TXNDC16: variants seen among roughly 807,000 people sequenced by gnomAD.
TXNDC16 encodes the protein thioredoxin domain containing 16, also known as thioredoxin domain-containing protein 16.
Under a neutral mutation model 85.6 loss-of-function variants are expected in TXNDC16, and 74 were observed. The observed-to-expected ratio is 0.86, with a 90% CI of 0.72 to 1.05. The LOEUF (loss-of-function observed/expected upper bound fraction) is 1.05, where lower values mean the gene tolerates loss of function less well. Among genes scored for constraint, TXNDC16 ranks in the 50% least tolerant of loss-of-function variants. TXNDC16 has a pLI of 0.00. For missense variants in TXNDC16, 959 were observed against 947.0 expected, an observed-to-expected ratio of 1.01 and a Z score of -0.17; for synonymous variants, 335 against 326.5, an observed-to-expected ratio of 1.03 and a Z score of -0.28.
chr14:52,500,940 T>A (rs74050255), intron 9 of TXNDC16, among the ~76,000 whole-genome samples: 14,677 of 152,170 alleles, frequency 0.096, 813 homozygotes, highest in East Asian at 0.18. Context: ...AAGCTTTCCT[T>A]CTATCTACAA....
chr14:52,547,302 C>T (rs1453490812), intron 1 of TXNDC16, among the ~76,000 whole-genome samples: 2 of 152,088 alleles, frequency 1.3e-5, no homozygotes, highest in African/African-American at 2.4e-5. Flanking sequence ...CCAAGGACCA[C>T]GGAGAACTAT....
At chr14:52,460,767 AAT>A (rs1032065374) in intron 16 of TXNDC16, among the ~76,000 whole-genome samples, 38 of 152,320 alleles carry the variant, frequency 2.5e-4, no homozygotes, top group African/African-American at 8.9e-4. Flanking sequence ...ATGTCTATAG[AAT>A]ATGTCTCTTC....
intron 12 of TXNDC16, among the ~76,000 whole-genome samples, chr14:52,486,475 G>A (rs1206777796): frequency 6.6e-6 from 1 of 151,890 alleles, no homozygotes; most frequent in Non-Finnish European, 1.5e-5. Context: ...TAGTGATGGG[G>A]TTTTGTCATG....
At chr14:52,441,924 T>C (rs2035175163) in intron 18 of TXNDC16, among the ~76,000 whole-genome samples, 1 of 152,138 alleles carries the variant, frequency 6.6e-6, no homozygotes, top group Admixed American at 6.5e-5. Flanking sequence ...CTTTCACACC[T>C]TTCTGTAATG....
At chr14:52,521,958 A>G (rs574172917) in intron 6 of TXNDC16, among the ~76,000 whole-genome samples, 3 of 152,318 alleles carry the variant, frequency 2.0e-5, no homozygotes, top group African/African-American at 4.8e-5. Flanking sequence ...ATTACTGACC[A>G]CTTATAAAAA....
At chr14:52,543,653 C>T (rs2037882626) in intron 2 of TXNDC16, 23 bp from the exon 3 acceptor site, 30 of 1,377,450 alleles carry the variant, frequency 2.2e-5, no homozygotes, top group Non-Finnish European at 2.9e-5. Context: ...AGGTATTCAA[C>T]AAGAGTTTGT....
intron 9 of TXNDC16, among the ~76,000 whole-genome samples, chr14:52,509,274 TAA>T (rs2036895192): frequency 1.3e-5 from 2 of 152,108 alleles, no homozygotes; most frequent in African/African-American, 4.8e-5. Context: ...GTATGAGTCC[TAA>T]TCTTACCCCC....
chr14:52,447,445 A>G (rs1041582286), intron 18 of TXNDC16, among the ~76,000 whole-genome samples: 1 of 152,196 alleles, frequency 6.6e-6, no homozygotes, highest in Admixed American at 6.5e-5. Flanking sequence ...GAGTGGTTAC[A>G]GCAAGTGTTG....
intron 15 of TXNDC16, among the ~76,000 whole-genome samples, 165 bp from the exon 16 acceptor site, chr14:52,470,338 A>C (rs1387820731): frequency 1.3e-5 from 2 of 152,222 alleles, no homozygotes; most frequent in African/African-American, 4.8e-5. Flanking sequence ...TCATTAAACA[A>C]AATTGCTATC....
intron 4 of TXNDC16, among the ~76,000 whole-genome samples, chr14:52,540,578 T>C (rs563207678): frequency 6.6e-6 from 1 of 152,204 alleles, no homozygotes; most frequent in African/African-American, 2.4e-5. Context: ...TGAGCCAAGA[T>C]GGTGCCACTG....
At chr14:52,476,303 G>A (rs1269760114) in intron 14 of TXNDC16, among the ~76,000 whole-genome samples, 2 of 151,932 alleles carry the variant, frequency 1.3e-5, no homozygotes, top group African/African-American at 2.4e-5. Flanking sequence ...AATCACACTA[G>A]CTCTCCAGCA....
intron 3 of TXNDC16, among the ~76,000 whole-genome samples, chr14:52,543,107 T>C (rs1296799421): frequency 6.6e-6 from 1 of 152,158 alleles, no homozygotes; most frequent in African/African-American, 2.4e-5. Flanking sequence ...ATCTAGTATT[T>C]ACTATGAACT....
chr14:52,542,596 C>A (rs1444285863), intron 3 of TXNDC16, 143 bp from the exon 4 acceptor site: 3 of 522,936 alleles, frequency 5.7e-6, no homozygotes, highest in Admixed American at 3.7e-5. Context: ...TATTTTCACA[C>A]CCTTATTTTA....
intron 16 of TXNDC16, among the ~76,000 whole-genome samples, chr14:52,463,381 A>G (rs1007269478): frequency 6.6e-6 from 1 of 152,158 alleles, no homozygotes; most frequent in Non-Finnish European, 1.5e-5. Flanking sequence ...AAGTTCTACT[A>G]TAGGTCCTAT....
chr14:52,521,070 C>A (rs1055738052), intron 6 of TXNDC16, among the ~76,000 whole-genome samples: 1 of 151,216 alleles, frequency 6.6e-6, no homozygotes, highest in South Asian at 2.1e-4. Context: ...TAAAAAAAAA[C>A]TATAATTTAT....
At chr14:52,512,103 A>G (rs2036970050) in intron 8 of TXNDC16, among the ~76,000 whole-genome samples, 1 of 152,188 alleles carries the variant, frequency 6.6e-6, no homozygotes, top group Admixed American at 6.5e-5. Flanking sequence ...AGACATATTT[A>G]AACTGAGCTG....
At chr14:52,510,005 A>G (rs2036918848) in intron 9 of TXNDC16, among the ~76,000 whole-genome samples, 1 of 151,952 alleles carries the variant, frequency 6.6e-6, no homozygotes, top group Non-Finnish European at 1.5e-5. Flanking sequence ...AAAAAAAAGA[A>G]CTAAGGAATA....
At chr14:52,531,903 T>C (rs1367223838) in intron 6 of TXNDC16, among the ~76,000 whole-genome samples, 1 of 152,128 alleles carries the variant, frequency 6.6e-6, no homozygotes, top group Non-Finnish European at 1.5e-5. Flanking sequence ...AAGGAGGAGA[T>C]ATACTGGGAT....
chr14:52,463,623 T>C (rs943148974), intron 16 of TXNDC16, among the ~76,000 whole-genome samples: 4 of 152,178 alleles, frequency 2.6e-5, no homozygotes, highest in African/African-American at 7.2e-5. Context: ...ATTTGAACAG[T>C]TGGCCACCTT....
Sources: allele counts gnomAD v4.1 joint callset (sites outside exome capture counted in the v4.1 genomes callset), GRCh38; gene constraint gnomAD v4.1.1; transcripts MANE v1.5; gene names NCBI Gene and HGNC (gene_info 2026-07-23, HGNC 2026-07-21).